Variants in CCSER1 observed in about 807,000 individuals in gnomAD.
CCSER1 encodes the protein serine-rich coiled-coil domain-containing protein 1.
In CCSER1, 41 loss-of-function variants were observed where a neutral mutation model predicts 82.0. That is an observed-to-expected ratio of 0.50 (90% confidence interval 0.39 to 0.65). CCSER1 has a LOEUF of 0.65. Among genes scored for constraint, CCSER1 ranks in the 30% least tolerant of loss-of-function variants. CCSER1 has a pLI of 0.00. For synonymous variants in CCSER1, 414 were observed against 383.9 expected, an observed-to-expected ratio of 1.08 and a Z score of -0.92; for missense variants, 1,119 against 1,064.2, an observed-to-expected ratio of 1.05 and a Z score of -0.72.
intron 5 of CCSER1, among the ~76,000 whole-genome samples, chr4:90,496,971 C>CAAAACAAA (rs1769116653): frequency 1.8e-5 from 1 of 55,226 alleles, no homozygotes; most frequent in African/African-American, 5.6e-5. Context: ...AGCGAGACTA[C>CAAAACAAA]AAAAAAAAAA....
intron 7 of CCSER1, among the ~76,000 whole-genome samples, chr4:90,729,333 A>T (rs1580184136): frequency 6.6e-6 from 1 of 152,184 alleles, no homozygotes; most frequent in Non-Finnish European, 1.5e-5. Context: ...TATATTTTAA[A>T]CATAAATTAT....
intron 9 of CCSER1, among the ~76,000 whole-genome samples, chr4:90,955,859 TG>T (rs1363345051): frequency 6.6e-6 from 1 of 152,192 alleles, no homozygotes; most frequent in African/African-American, 2.4e-5. Context: ...AAATATGTCC[TG>T]CTTCGAAAGA....
At chr4:90,916,783 C>T (rs535482903) in intron 8 of CCSER1, among the ~76,000 whole-genome samples, 5 of 152,084 alleles carry the variant, frequency 3.3e-5, no homozygotes, top group Non-Finnish European at 7.4e-5. Flanking sequence ...GGGCTATTAT[C>T]CAGAATCTAC....
chr4:91,223,780 T>G (rs1330399293), intron 10 of CCSER1, among the ~76,000 whole-genome samples: 1 of 152,004 alleles, frequency 6.6e-6, no homozygotes, highest in Admixed American at 6.6e-5. Context: ...TCTGACTGAG[T>G]TATAGAGAAA....
At chr4:91,270,111 T>C (rs1218362048) in intron 10 of CCSER1, among the ~76,000 whole-genome samples, 1 of 152,242 alleles carries the variant, frequency 6.6e-6, no homozygotes, top group Non-Finnish European at 1.5e-5. Flanking sequence ...AAATTCTGAA[T>C]AATTCTGAAT....
At position 91,603,063 on chromosome 4, in the gene CCSER1, A is replaced by G. The variant is rs184894278; in HGVS notation, c.*4006A>G. Among the ~76,000 whole-genome samples, 1 of 152,210 alleles carries G rather than the reference A, an allele frequency of 6.6e-6. No individual in the cohort carries two copies. The highest frequency in any genetic ancestry group is 1.9e-4 in the East Asian group (1 of 5,180). ...TTCTTTCTCATGTGGTAAATTTATC[A>G]TGACAACTCTAGGCTGTAGAAGGCG... On this transcript the variant is annotated 3_prime_UTR_variant, in exon 11 of 11. Transcript: ENST00000509176.
chr4:91,367,025 G>A (rs1560615613), intron 10 of CCSER1, among the ~76,000 whole-genome samples: 1 of 151,214 alleles, frequency 6.6e-6, no homozygotes, highest in Non-Finnish European at 1.5e-5. Flanking sequence ...TGAGCACAGT[G>A]GCTCTTGCCT....
intron 9 of CCSER1, among the ~76,000 whole-genome samples, chr4:90,932,926 GAAAGAAAGAAAGAAA>G: frequency 4.1e-5 from 1 of 24,154 alleles, no homozygotes; most frequent in African/African-American, 3.6e-4. Flanking sequence ...AAGAAAGAAA[GAAAGAAAGAAAGAAA>G]GAAAGAAAGA....
chr4:90,586,207 C>T (rs946653715), intron 5 of CCSER1, among the ~76,000 whole-genome samples: 1 of 152,098 alleles, frequency 6.6e-6, no homozygotes, highest in African/African-American at 2.4e-5. Context: ...GCTGCACATG[C>T]GAGGGACCTA....
intron 10 of CCSER1, among the ~76,000 whole-genome samples, chr4:91,586,816 GCT>G: frequency 6.6e-6 from 1 of 151,664 alleles, no homozygotes; most frequent in South Asian, 2.1e-4. Flanking sequence ...GCTTCATTTT[GCT>G]CTTTTGATTT....
chr4:90,948,097 A>C (rs1732474262), intron 9 of CCSER1, among the ~76,000 whole-genome samples: 1 of 151,998 alleles, frequency 6.6e-6, no homozygotes, highest in Non-Finnish European at 1.5e-5. Context: ...CCCTTTTTTC[A>C]GTGTTGAGTG....
At chr4:91,191,089 G>A (rs1210908098) in intron 10 of CCSER1, among the ~76,000 whole-genome samples, 1 of 152,140 alleles carries the variant, frequency 6.6e-6, no homozygotes, top group Non-Finnish European at 1.5e-5. Flanking sequence ...ATTGTTTGAT[G>A]AATAAATGTA....
chr4:91,457,269 CAT>C (rs1199531163), intron 10 of CCSER1, among the ~76,000 whole-genome samples: 1 of 152,084 alleles, frequency 6.6e-6, no homozygotes, highest in Non-Finnish European at 1.5e-5. Context: ...CCTGAAAATA[CAT>C]GTTTTAACAT....
At chr4:91,342,096 T>A (rs542538797) in intron 10 of CCSER1, among the ~76,000 whole-genome samples, 5 of 152,220 alleles carry the variant, frequency 3.3e-5, no homozygotes, top group Middle Eastern at 3.4e-3. Context: ...AGGCTAAAAA[T>A]CTAAAAAAAT....
rs183708551 is a variant in CCSER1, at chr4:90,406,694, C to G, written c.1603+6565C>G. Among the ~76,000 whole-genome samples, 3 of 152,128 alleles carry G rather than the reference C, an allele frequency of 2.0e-5. No individual in the cohort carries two copies. The East Asian group carries it at 5.8e-4, about 29-fold the overall frequency. On this transcript the variant is annotated intron_variant, in intron 4 of 10. Coordinates refer to ENST00000509176, the MANE Select transcript of CCSER1 (RefSeq NM_001145065.2). ...AGTGGAATAAAATTGGAAATCAACT[C>G]CAAAAGGAATCTTCAAAACCATGCA... is the stretch of plus-strand genomic sequence containing the variant.
intron 6 of CCSER1, among the ~76,000 whole-genome samples, chr4:90,660,198 G>T (rs1579779696): frequency 1.3e-5 from 2 of 151,930 alleles, no homozygotes; most frequent in East Asian, 1.9e-4. Context: ...CAAAGGAAAA[G>T]AAATCATTAT....
intron 9 of CCSER1, among the ~76,000 whole-genome samples, chr4:90,935,057 A>G (rs1381223534): frequency 1.3e-5 from 2 of 151,746 alleles, no homozygotes; most frequent in Non-Finnish European, 2.9e-5. Context: ...TATATATATT[A>G]TATATATATG....
At chr4:90,875,186 C>T (rs1184894845) in intron 8 of CCSER1, among the ~76,000 whole-genome samples, 6 of 152,154 alleles carry the variant, frequency 3.9e-5, no homozygotes, top group East Asian at 1.9e-4. Context: ...CAGCCTTTAT[C>T]AGCTTGGCCA....
intron 1 of CCSER1, among the ~76,000 whole-genome samples, chr4:90,182,315 T>C (rs1443827126): frequency 6.6e-6 from 1 of 152,064 alleles, no homozygotes; most frequent in Non-Finnish European, 1.5e-5. Context: ...ACCTAAAAAA[T>C]AGAAATTAGG....
Sources: gnomAD v4.1 joint callset for allele counts (sites outside exome capture counted in the v4.1 genomes callset) on GRCh38, gnomAD v4.1.1 for gene constraint, MANE v1.5 for transcripts, NCBI Gene and HGNC (gene_info 2026-07-23, HGNC 2026-07-21) for gene names.